FBXL7: variants seen among roughly 807,000 people sequenced by gnomAD.
FBXL7 encodes the protein F-box/LRR-repeat protein 7.
FBXL7 carries 12 observed loss-of-function variants against 38.3 expected under a neutral mutation model. The ratio of observed to expected loss-of-function variants is 0.31; its 90% confidence interval spans 0.20 to 0.51. The LOEUF is 0.51. FBXL7 is among the 20% of genes least tolerant of loss of function. The pLI is 0.98. For missense variants in FBXL7, 567 were observed against 676.4 expected, an observed-to-expected ratio of 0.84 and a Z score of 1.79; for synonymous variants, 297 against 300.9, an observed-to-expected ratio of 0.99 and a Z score of 0.13.
At chr5:15,639,065 T>G (rs1741275307) in intron 2 of FBXL7, among the ~76,000 whole-genome samples, 1 of 152,232 alleles carries the variant, frequency 6.6e-6, no homozygotes, top group Admixed American at 6.5e-5. Context: ...TTTGGGGATC[T>G]CTCATGTCTG....
At chr5:15,933,772 T>C (rs1250725730) in intron 3 of FBXL7, among the ~76,000 whole-genome samples, 2 of 152,220 alleles carry the variant, frequency 1.3e-5, no homozygotes, top group East Asian at 3.9e-4. Context: ...GGGAGGAAGG[T>C]CCTCGTTAGC....
At chr5:15,777,127 G>A (rs1285569463) in intron 2 of FBXL7, among the ~76,000 whole-genome samples, 1 of 151,994 alleles carries the variant, frequency 6.6e-6, no homozygotes, top group African/African-American at 2.4e-5. Context: ...GAGAGAGGAT[G>A]TTTTCATTTC....
At chr5:15,896,453 TAGGGTGTGGG>T (rs1741105865) in intron 2 of FBXL7, among the ~76,000 whole-genome samples, 1 of 152,210 alleles carries the variant, frequency 6.6e-6, no homozygotes. Flanking sequence ...TAGTTCCAGC[TAGGGTGTGGG>T]AGAATCTCAC....
chr5:15,548,187 T>A (rs1338782406), intron 1 of FBXL7, among the ~76,000 whole-genome samples: 1 of 152,086 alleles, frequency 6.6e-6, no homozygotes, highest in African/African-American at 2.4e-5. Context: ...AATGGAGTAA[T>A]GAGATCAAAA....
chr5:15,848,443 G>T (rs566753537), intron 2 of FBXL7, among the ~76,000 whole-genome samples: 319 of 152,192 alleles, frequency 2.1e-3, no homozygotes, highest in African/African-American at 7.1e-3. Flanking sequence ...GTGCAGTGGC[G>T]TGATTTCGGC....
At chr5:15,899,036 T>A (rs1445054297) in intron 2 of FBXL7, among the ~76,000 whole-genome samples, 1 of 152,130 alleles carries the variant, frequency 6.6e-6, no homozygotes, top group Non-Finnish European at 1.5e-5. Context: ...TATATATATT[T>A]ATACACACAT....
chr5:15,517,799 G>A (rs1386357176), intron 1 of FBXL7, among the ~76,000 whole-genome samples: 5 of 152,272 alleles, frequency 3.3e-5, no homozygotes, highest in African/African-American at 7.2e-5. Flanking sequence ...ACGGCCTGGA[G>A]TACTTACCTG....
At chr5:15,632,290 A>G (rs1045166180) in intron 2 of FBXL7, among the ~76,000 whole-genome samples, 5 of 151,980 alleles carry the variant, frequency 3.3e-5, no homozygotes, top group African/African-American at 1.2e-4. Context: ...AGAAAATTTT[A>G]TTTTTTTTAT....
At chr5:15,725,624 G>T (rs1744325004) in intron 2 of FBXL7, among the ~76,000 whole-genome samples, 1 of 151,988 alleles carries the variant, frequency 6.6e-6, no homozygotes, top group African/African-American at 2.4e-5. Flanking sequence ...GTTAATGTTG[G>T]GAAGATTGTT....
chr5:15,822,622 C>T (rs201978030), intron 2 of FBXL7, among the ~76,000 whole-genome samples: 9 of 131,766 alleles, frequency 6.8e-5, no homozygotes, highest in East Asian at 2.3e-4. Context: ...GCTGGTTGCT[C>T]TTTTTTTTTT....
intron 2 of FBXL7, among the ~76,000 whole-genome samples, chr5:15,682,296 C>T (rs985531285): frequency 1.3e-5 from 2 of 152,164 alleles, no homozygotes; most frequent in East Asian, 3.9e-4. Flanking sequence ...CACCTCTGTT[C>T]ACATTCCATT....
At chr5:15,902,613 G>A (rs1037144908) in intron 2 of FBXL7, among the ~76,000 whole-genome samples, 12 of 152,304 alleles carry the variant, frequency 7.9e-5, no homozygotes, top group African/African-American at 2.9e-4. Flanking sequence ...ATTTGCCCAT[G>A]TTTGTGTGTA....
intron 2 of FBXL7, among the ~76,000 whole-genome samples, chr5:15,777,188 A>G (rs1431429692): frequency 6.6e-6 from 1 of 152,068 alleles, no homozygotes; most frequent in Non-Finnish European, 1.5e-5. Context: ...GACTTACTGA[A>G]AGTCACACAT....
chr5:15,791,313 T>C (rs1737271615), intron 2 of FBXL7, among the ~76,000 whole-genome samples: 1 of 152,202 alleles, frequency 6.6e-6, no homozygotes, highest in Admixed American at 6.5e-5. Context: ...CTGTGGTTCT[T>C]TGTTTCAAAC....
intron 2 of FBXL7, among the ~76,000 whole-genome samples, chr5:15,888,428 C>T (rs1049817684): frequency 2.6e-5 from 4 of 151,892 alleles, no homozygotes; most frequent in Admixed American, 6.6e-5. Context: ...GGGATTTCAC[C>T]GTGTTGGCCA....
chr5:15,765,815 T>C (rs562261806), intron 2 of FBXL7, among the ~76,000 whole-genome samples: 169 of 152,212 alleles, frequency 1.1e-3, no homozygotes, highest in African/African-American at 3.9e-3. Flanking sequence ...ACTCACACTG[T>C]AGTACTGAAC....
chr5:15,553,883 T>C (rs1215377779), intron 1 of FBXL7, among the ~76,000 whole-genome samples: 1 of 152,214 alleles, frequency 6.6e-6, no homozygotes, highest in Non-Finnish European at 1.5e-5. Context: ...TCTTCAGCTC[T>C]TTCTCTTCCT....
chr5:15,657,035 C>T (rs1349272440), intron 2 of FBXL7, among the ~76,000 whole-genome samples: 1 of 152,050 alleles, frequency 6.6e-6, no homozygotes, highest in East Asian at 1.9e-4. Flanking sequence ...CTGAGAAAGA[C>T]TCTCTGAAGA....
chr5:15,671,855 A>C (rs1225492285), intron 2 of FBXL7, among the ~76,000 whole-genome samples: 1 of 152,208 alleles, frequency 6.6e-6, no homozygotes, highest in Non-Finnish European at 1.5e-5. Flanking sequence ...GGTCTGATCA[A>C]TCTCATAAAT....
Sources: allele counts gnomAD v4.1 joint callset (sites outside exome capture counted in the v4.1 genomes callset), GRCh38; gene constraint gnomAD v4.1.1; transcripts MANE v1.5; gene names NCBI Gene and HGNC (gene_info 2026-07-23, HGNC 2026-07-21).